NCF2: variants seen among roughly 807,000 people sequenced by gnomAD.
NCF2 encodes the protein neutrophil cytosol factor 2.
NCF2 carries 45 observed loss-of-function variants against 70.9 expected under a neutral mutation model. The observed-to-expected ratio is 0.63, with a 90% CI of 0.50 to 0.81. The LOEUF (loss-of-function observed/expected upper bound fraction) is 0.81, where lower values mean the gene tolerates loss of function less well. Among genes scored for constraint, NCF2 ranks in the 40% least tolerant of loss-of-function variants. The pLI is 0.00. For missense variants in NCF2, 522 were observed against 631.6 expected, an observed-to-expected ratio of 0.83 and a Z score of 1.86; for synonymous variants, 203 against 233.6, an observed-to-expected ratio of 0.87 and a Z score of 1.19.
At chr1:183,582,173 C>T (rs1425090696) in intron 2 of NCF2, among the ~76,000 whole-genome samples, 1 of 152,206 alleles carries the variant, frequency 6.6e-6, no homozygotes, top group Admixed American at 6.5e-5. Flanking sequence ...TAGCATTCAG[C>T]GCTGTGTGCC....
At chr1:183,567,114 G>A (rs1672335910) in intron 8 of NCF2, 90 bp downstream of exon 8, 2 of 1,608,740 alleles carry the variant, frequency 1.2e-6, no homozygotes, top group Admixed American at 1.7e-5. Context: ...TGGCTGGTCT[G>A]CAAAGAAGGC....
intron 1 of NCF2, among the ~76,000 whole-genome samples, chr1:183,589,618 A>C (rs559012556): frequency 4.0e-4 from 61 of 152,348 alleles, no homozygotes; most frequent in African/African-American, 1.4e-3. Context: ...ATCACAGTAC[A>C]ATTTCCTCTT....
At position 183,557,883 on chromosome 1, in the gene NCF2, T is replaced by A. The variant is rs553968031; in HGVS notation, c.1469-1653A>T. 1.1e-4 allele frequency among the ~76,000 whole-genome samples: 17 copies of A among 150,622 alleles called. No individual in the cohort carries two copies. In the South Asian group the frequency reaches 2.3e-3, roughly 20 times the overall value. On this transcript the variant is annotated intron_variant, in intron 14 of 14. Coordinates refer to ENST00000367535, the MANE Select transcript of NCF2 (RefSeq NM_000433.4). ...GCTTCTATATTACTACTACTCATAT[T>A]TTTTTTTTTGAGACAGAATCTCACT...
At chr1:183,558,919 T>G (rs932368164) in intron 14 of NCF2, among the ~76,000 whole-genome samples, 1 of 152,194 alleles carries the variant, frequency 6.6e-6, no homozygotes, top group Non-Finnish European at 1.5e-5. Flanking sequence ...TTTTCTGTTA[T>G]AATTGATGGT....
chr1:183,578,531 A>G lies in NCF2; in HGVS notation c.258-824T>C, dbSNP rs150037197. ...GGGCGAGCGCCACCACGCCCGGCTA[A>G]TTTTTTATATTTTAAGTAGAGACCA... On this transcript the variant is annotated intron_variant, in intron 2 of 14. Transcript: ENST00000367535. Among the ~76,000 whole-genome samples the G allele has an allele frequency of 6.2e-4, 94 of 152,028 alleles. 1 individual carries two copies. The highest frequency in any genetic ancestry group is 2.2e-3 in the African/African-American group (92 of 41,466).
upstream of NCF2, among the ~76,000 whole-genome samples, chr1:183,593,663 G>T (rs1006809566): frequency 2.6e-4 from 39 of 152,278 alleles, no homozygotes; most frequent in African/African-American, 8.9e-4. Flanking sequence ...TATGTGCACG[G>T]TTCTCTCTGA....
chr1:183,567,019 A>G, intron 8 of NCF2, 31 bp from the exon 9 acceptor site: 2 of 1,613,902 alleles, frequency 1.2e-6, no homozygotes, highest in Non-Finnish European at 1.7e-6. Context: ...ATCAGAAAGG[A>G]AAAAATAAAG....
chr1:183,563,931 A>C, intron 11 of NCF2, 74 bp downstream of exon 11: 2 of 1,481,810 alleles, frequency 1.3e-6, no homozygotes, highest in Non-Finnish European at 1.9e-6. Context: ...TAATCCAGAC[A>C]GACATGTCTG....
At chr1:183,593,521 C>T (rs1048563542), upstream of NCF2, among the ~76,000 whole-genome samples, 2 of 152,096 alleles carry the variant, frequency 1.3e-5, no homozygotes, top group Admixed American at 6.6e-5. Flanking sequence ...CTACACAGGC[C>T]TCCTTTCATG....
Position 183,563,525 on chromosome 1 carries a change from C to T in NCF2, c.1087G>A (p.Val363Ile), listed in dbSNP as rs560823166. 1 of 1,614,156 alleles carries T rather than the reference C, an allele frequency of 6.2e-7. No homozygotes were observed. Among genetic ancestry groups the T allele is most frequent in the Admixed American group, 1.7e-5 (1 of 60,028 alleles). ...TLKVHYKYTV[V>I]MKTQPGLPYS... ...GGGAGCCCGGGCTGAGTCTTCATGA[C>T]TACCGTGTACTTGTAGTGCACCTTG... is the stretch of plus-strand genomic sequence containing the variant. The change falls in exon 12 of 15, where the codon GTC becomes ATC. Residue 363 changes from valine (V) to isoleucine (I), a missense_variant. Physicochemically the swap from Val to Ile is conservative, Grantham distance 29. Coordinates refer to ENST00000367535, the MANE Select transcript of NCF2 (RefSeq NM_000433.4).
intron 14 of NCF2, among the ~76,000 whole-genome samples, chr1:183,558,308 C>A (rs1320759306): frequency 4.0e-5 from 6 of 151,176 alleles, no homozygotes; most frequent in Non-Finnish European, 7.4e-5. Flanking sequence ...CACTCTGTAA[C>A]CCAGGCTGGA....
chr1:183,565,696 C>T lies in NCF2; in HGVS notation c.1000+8G>A, dbSNP rs1672268094. 3 of 1,612,120 alleles carry T rather than the reference C, an allele frequency of 1.9e-6. No homozygotes were observed. Among genetic ancestry groups the T allele is most frequent in the Non-Finnish European group, 2.5e-6 (3 of 1,179,782 alleles). On this transcript the variant is annotated splice_region_variant and intron_variant, in intron 10 of 14. Transcript: ENST00000367535. ...CCAGACCTAGGCTGTGGCTCCAGGA[C>T]CACTCACCTGGTGACAGCTGGGGTC...
intron 4 of NCF2, among the ~76,000 whole-genome samples, chr1:183,573,620 G>A (rs150863818): frequency 7.2e-5 from 11 of 152,226 alleles, no homozygotes; most frequent in South Asian, 4.1e-4. Context: ...AGGCTGGCCC[G>A]GGATCAAGCA....
rs1229246306 is a variant in NCF2 at position 183,577,668 on chromosome 1, A to C, written c.297T>G (p.Ile99Met). 1 of 1,614,002 alleles carries C rather than the reference A, an allele frequency of 6.2e-7. No individual in the cohort carries two copies. Among genetic ancestry groups the C allele is most frequent in the East Asian group, 2.2e-5 (1 of 44,892 alleles). Residue 99 changes from isoleucine (I) to methionine (M), a missense_variant, in exon 3 of 15, where the codon ATT (isoleucine) becomes ATG (methionine). By Grantham distance (10) the Ile-to-Met change is conservative. Coordinates refer to ENST00000367535, the MANE Select transcript of NCF2 (RefSeq NM_000433.4). ...CTATCAGCTGGTTCCCTCGAAGCTGAATCAAGGCTTCTTTAAGGTCTTTGA... is the reference window on the plus strand; with the variant it reads ...CTATCAGCTGGTTCCCTCGAAGCTGCATCAAGGCTTCTTTAAGGTCTTTGA... ...LAIKDLKEAL[I>M]QLRGNQLIDY... is the part of the protein sequence containing the mutation.
At chr1:183,566,597 G>A (rs545629061) in intron 9 of NCF2, among the ~76,000 whole-genome samples, 9 of 152,264 alleles carry the variant, frequency 5.9e-5, no homozygotes, top group South Asian at 4.1e-4. Context: ...ACTCTTCCAC[G>A]TGAAGCAGAC....
chr1:183,557,154 T>C (rs1671827633), intron 14 of NCF2, among the ~76,000 whole-genome samples: 1 of 152,208 alleles, frequency 6.6e-6, no homozygotes, highest in Admixed American at 6.5e-5. Context: ...GAGAGATGAA[T>C]AGTTTGTTCA....
At chr1:183,563,830 A>G in intron 11 of NCF2, 175 bp downstream of exon 11, 1 of 834,442 alleles carries the variant, frequency 1.2e-6, no homozygotes, top group Admixed American at 1.8e-5. Flanking sequence ...AAGTGTGTGC[A>G]TGATAGTGGA....
chr1:183,593,079 C>T (rs914321073), upstream of NCF2, among the ~76,000 whole-genome samples: 5 of 152,192 alleles, frequency 3.3e-5, no homozygotes, highest in East Asian at 7.7e-4. Context: ...TCTCCTTCTC[C>T]GCACCTCCCA....
intron 2 of NCF2, among the ~76,000 whole-genome samples, chr1:183,581,675 T>A (rs1354227301): frequency 1.4e-5 from 1 of 69,328 alleles, no homozygotes; most frequent in African/African-American, 5.9e-5. Context: ...TTGCTAAGTG[T>A]TTTTTTTTTT....
Sources: gnomAD v4.1 joint callset for allele counts (sites outside exome capture counted in the v4.1 genomes callset) on GRCh38, gnomAD v4.1.1 for gene constraint, MANE v1.5 for transcripts, NCBI Gene and HGNC (gene_info 2026-07-23, HGNC 2026-07-21) for gene names.